SYTL5: variants seen among roughly 807,000 people sequenced by gnomAD.
SYTL5 encodes synaptotagmin-like protein 5.
A neutral mutation model predicts 55.9 loss-of-function variants in SYTL5; 34 were observed. That is an observed-to-expected ratio of 0.61 (90% CI 0.46 to 0.81). SYTL5 has a LOEUF of 0.81. SYTL5 is among the 30% of genes least tolerant of loss of function. The pLI is 0.00. For synonymous variants in SYTL5, 221 were observed against 188.7 expected, an observed-to-expected ratio of 1.17 and a Z score of -1.40; for missense variants, 637 against 546.7, an observed-to-expected ratio of 1.17 and a Z score of -1.65.
At chrX:37,959,084 T>A in the SYTL5 span, among the ~76,000 whole-genome samples, 2 of 111,377 alleles carry the variant, frequency 1.8e-5, no homozygotes, top group African/African-American at 3.3e-5. Flanking sequence ...TACTTGTAGA[T>A]CTACAATTCT....
intron 3 of SYTL5, among the ~76,000 whole-genome samples, chrX:38,071,204 A>C (rs1031054866): frequency 1.9e-4 from 21 of 111,806 alleles, no homozygotes; most frequent in African/African-American, 6.5e-4. Context: ...AATAATACTG[A>C]AGGACGCTAT....
chrX:38,063,222 T>G (rs947347245), intron 3 of SYTL5, among the ~76,000 whole-genome samples: 3 of 111,446 alleles, frequency 2.7e-5, no homozygotes, highest in African/African-American at 9.8e-5. Flanking sequence ...CACTTCTAAT[T>G]TAGCAAATTT....
chrX:38,110,139 G>A (rs1172497680), intron 12 of SYTL5, among the ~76,000 whole-genome samples, 182 bp from the exon 13 acceptor site: 2 of 111,804 alleles, frequency 1.8e-5, no homozygotes, highest in African/African-American at 3.3e-5. Context: ...CACAAAATGA[G>A]TTTATGGCAT....
chrX:38,111,608 G>C (rs953802278), intron 13 of SYTL5, among the ~76,000 whole-genome samples: 3 of 111,905 alleles, frequency 2.7e-5, no homozygotes, highest in African/African-American at 9.8e-5. Flanking sequence ...TCATTTTCAG[G>C]TTCCATGCAG....
At chrX:38,126,512 A>G in intron 16 of SYTL5, 76 bp from the exon 17 acceptor site, 3 of 1,096,940 alleles carry the variant, frequency 2.7e-6, no homozygotes, top group Non-Finnish European at 3.7e-6. Flanking sequence ...AGGCCTGCTC[A>G]GAAGTTGATA....
intron 14 of SYTL5, 123 bp from the exon 15 acceptor site, chrX:38,121,957 A>C: frequency 2.8e-6 from 2 of 710,824 alleles, no homozygotes; most frequent in Non-Finnish European, 3.8e-6. Flanking sequence ...TAAAGGCCCA[A>C]ATTAGTCAGC....
At chrX:38,121,229 G>A (rs1023536819) in intron 14 of SYTL5, among the ~76,000 whole-genome samples, 2 of 111,832 alleles carry the variant, frequency 1.8e-5, no homozygotes, top group Non-Finnish European at 3.8e-5. Flanking sequence ...TCCACCCCAT[G>A]ATCCAATCAC....
chrX:37,957,728 A>C, the SYTL5 span, among the ~76,000 whole-genome samples: 1 of 110,618 alleles, frequency 9.0e-6, no homozygotes, highest in Non-Finnish European at 1.9e-5. Flanking sequence ...AACTTTTTTT[A>C]AACAAGATTG....
At chrX:37,890,824 G>A in the SYTL5 span, among the ~76,000 whole-genome samples, 1 of 111,713 alleles carries the variant, frequency 9.0e-6, no homozygotes, top group Admixed American at 9.5e-5. Context: ...TTAGGAAAAT[G>A]CAAATCAACG....
chrX:37,917,996 G>T, the SYTL5 span, among the ~76,000 whole-genome samples: 2 of 110,983 alleles, frequency 1.8e-5, no homozygotes, highest in Non-Finnish European at 3.8e-5. Context: ...AAGCAGTGTG[G>T]GTATATTACT....
At chrX:37,913,200 G>A in the SYTL5 span, among the ~76,000 whole-genome samples, 1 of 112,278 alleles carries the variant, frequency 8.9e-6, no homozygotes, top group Non-Finnish European at 1.9e-5. Context: ...TGGGCCTGTG[G>A]TGGCACCATG....
At chrX:37,958,452 T>G in the SYTL5 span, among the ~76,000 whole-genome samples, 1 of 110,504 alleles carries the variant, frequency 9.0e-6, no homozygotes, top group Non-Finnish European at 1.9e-5. Flanking sequence ...TGACCTTATT[T>G]AATTCTAATT....
chrX:37,892,798 T>C, the SYTL5 span, among the ~76,000 whole-genome samples: 45 of 96,364 alleles, frequency 4.7e-4, no homozygotes, highest in African/African-American at 1.6e-3. Context: ...TATACATATA[T>C]ACAATATATG....
At chrX:38,020,625 A>G (rs1369896838) in intron 1 of SYTL5, among the ~76,000 whole-genome samples, 3 of 108,735 alleles carry the variant, frequency 2.8e-5, no homozygotes, top group Non-Finnish European at 3.8e-5. Context: ...GCTAAGATTT[A>G]TAAATTCTTA....
the SYTL5 span, among the ~76,000 whole-genome samples, chrX:37,909,206 G>A: frequency 1.1e-4 from 12 of 111,849 alleles, no homozygotes; most frequent in South Asian, 7.5e-4. Context: ...ATTATTGCCC[G>A]CTTTGATTTA....
chrX:37,969,417 A>G, the SYTL5 span, among the ~76,000 whole-genome samples: 6 of 111,975 alleles, frequency 5.4e-5, no homozygotes, highest in Non-Finnish European at 9.4e-5. Context: ...TTTTTAAGTT[A>G]CTTGATTAGA....
the SYTL5 span, among the ~76,000 whole-genome samples, chrX:37,898,254 A>T: frequency 9.0e-6 from 1 of 111,701 alleles, no homozygotes; most frequent in Non-Finnish European, 1.9e-5. Flanking sequence ...TCATAGCCTA[A>T]TCACCTCCCA....
the SYTL5 span, among the ~76,000 whole-genome samples, chrX:37,958,634 C>T: frequency 1.6e-4 from 18 of 111,440 alleles, no homozygotes; most frequent in East Asian, 3.9e-3. Flanking sequence ...TCCAGTAGCC[C>T]CAGAGTCGTA....
chrX:38,061,159 C>A (rs1935931756), intron 3 of SYTL5, among the ~76,000 whole-genome samples: 1 of 112,077 alleles, frequency 8.9e-6, no homozygotes, highest in African/African-American at 3.2e-5. Flanking sequence ...TCTATGACAA[C>A]AACTTGTCTT....
Sources: gnomAD v4.1 joint callset for allele counts (sites outside exome capture counted in the v4.1 genomes callset) on GRCh38, gnomAD v4.1.1 for gene constraint, MANE v1.5 for transcripts, NCBI Gene and HGNC (gene_info 2026-07-23, HGNC 2026-07-21) for gene names.